Variants in UVSSA observed in about 807,000 individuals in gnomAD.
The protein encoded by UVSSA is UV stimulated scaffold protein A, also known as UV-stimulated scaffold protein A.
A neutral mutation model predicts 73.9 loss-of-function variants in UVSSA; 72 were observed. The observed-to-expected ratio is 0.97, with a 90% confidence interval of 0.81 to 1.19. The LOEUF is 1.19. Ranked by LOEUF, UVSSA falls within the 50% of genes most tolerant of loss-of-function variation. The pLI, the probability that UVSSA is intolerant of heterozygous loss-of-function variation, is 0.00. For missense variants in UVSSA, 1,150 were observed against 965.0 expected (o/e 1.19, Z -2.54); for synonymous variants, 454 against 391.3 (o/e 1.16, Z -1.89).
intron 8 of UVSSA, among the ~76,000 whole-genome samples, chr4:1,373,055 A>G (rs1209446362): frequency 2.0e-5 from 3 of 152,272 alleles, no homozygotes; most frequent in African/African-American, 7.2e-5. Flanking sequence ...TGCCTGCACA[A>G]GAAATGACCT....
chr4:1,374,098 A>G (rs1474533550), intron 8 of UVSSA, among the ~76,000 whole-genome samples: 2 of 152,090 alleles, frequency 1.3e-5, no homozygotes, highest in African/African-American at 4.8e-5. Flanking sequence ...CGGGGCCAGG[A>G]CGCCTTGCTC....
At chr4:1,384,582 T>C (rs1328603343) in intron 13 of UVSSA, 4 of 152,522 alleles carry the variant, frequency 2.6e-5, no homozygotes, top group African/African-American at 9.6e-5. Flanking sequence ...TGTCTTCATA[T>C]TGCCTTGTTC....
At chr4:1,362,553 C>T (rs1716795258) in intron 7 of UVSSA, among the ~76,000 whole-genome samples, 1 of 152,250 alleles carries the variant, frequency 6.6e-6, no homozygotes, top group Non-Finnish European at 1.5e-5. Context: ...ACATCTCCAG[C>T]CCCAGCACCA....
At chr4:1,370,931 G>C (rs1382578902) in intron 8 of UVSSA, among the ~76,000 whole-genome samples, 3 of 152,198 alleles carry the variant, frequency 2.0e-5, no homozygotes, top group African/African-American at 7.2e-5. Flanking sequence ...CCTGAGCAAG[G>C]CCCTTTGTCC....
At chr4:1,355,380 G>A (rs1715562679) in intron 7 of UVSSA, 135 bp downstream of exon 7, 2 of 853,904 alleles carry the variant, frequency 2.3e-6, no homozygotes, top group Non-Finnish European at 3.6e-6. Context: ...AGCCTCAGCA[G>A]GACCTGCCTC....
intron 10 of UVSSA, among the ~76,000 whole-genome samples, chr4:1,379,052 T>C (rs1719118259): frequency 6.6e-6 from 1 of 150,756 alleles, no homozygotes; most frequent in Non-Finnish European, 1.5e-5. Flanking sequence ...GGGGCTGTGC[T>C]CCTGTCTGTG....
chr4:1,372,347 A>G (rs1353807342), intron 8 of UVSSA, among the ~76,000 whole-genome samples: 1 of 152,152 alleles, frequency 6.6e-6, no homozygotes, highest in Non-Finnish European at 1.5e-5. Context: ...CATCCATGGC[A>G]CTTTCTCTCC....
At chr4:1,388,406 A>T (rs1720306186), downstream of UVSSA, 1 of 152,232 alleles carries the variant, frequency 6.6e-6, no homozygotes, top group Non-Finnish European at 1.5e-5. Flanking sequence ...TCCATACACA[A>T]AATCATGTCA....
In UVSSA at chr4:1,349,582, G is replaced by C. The variant is rs140162022; in HGVS notation, c.157G>C (p.Glu53Gln). 4 of 1,613,958 alleles carry C rather than the reference G, an allele frequency of 2.5e-6. No homozygotes were observed. In the African/African-American group the frequency reaches 5.3e-5, roughly 22 times the overall value. ...YRLLIAQLTQ[E>Q]HAEIRLSAFQ... is the part of the protein sequence containing the mutation. The stretch of plus-strand genomic sequence containing the variant: ...CCTGCTGATAGCACAGCTGACCCAG[G>C]AGCACGCCGAGATCCGTCTCTCAGC... Residue 53 changes from glutamate to glutamine, a missense_variant, in exon 3 of 14, where the codon GAG becomes CAG. Transcript: ENST00000389851.
chr4:1,384,067 TC>T, intron 13 of UVSSA, 127 bp downstream of exon 13: 1 of 1,234,718 alleles, frequency 8.1e-7, no homozygotes, highest in East Asian at 2.6e-5. Flanking sequence ...TGCTTTGAGT[TC>T]CCCTGGGGGA....
intron 8 of UVSSA, among the ~76,000 whole-genome samples, chr4:1,370,258 C>T (rs897966173): frequency 2.0e-5 from 3 of 152,156 alleles, no homozygotes; most frequent in Admixed American, 6.5e-5. Flanking sequence ...TGAGCATGTG[C>T]GTGTGTGCGT....
chr4:1,367,385 T>G (rs1018355608), intron 8 of UVSSA, among the ~76,000 whole-genome samples: 10 of 152,154 alleles, frequency 6.6e-5, no homozygotes, highest in Non-Finnish European at 1.3e-4. Context: ...ACAAGTTGGT[T>G]TCAATCAGAG....
At chr4:1,375,230 G>A (rs1718610309) in intron 8 of UVSSA, 134 bp from the exon 9 acceptor site, 11 of 1,427,112 alleles carry the variant, frequency 7.7e-6, no homozygotes, top group Admixed American at 5.6e-5. Context: ...GGAGCAGATA[G>A]CAGGCACCCA....
chr4:1,351,637 C>T, intron 3 of UVSSA, 78 bp from the exon 4 acceptor site: 2 of 1,491,040 alleles, frequency 1.3e-6, no homozygotes. Flanking sequence ...GATCTGCCTG[C>T]CTCAGCCTCC....
chr4:1,363,180 G>A (rs905456047), intron 7 of UVSSA, among the ~76,000 whole-genome samples: 2 of 152,156 alleles, frequency 1.3e-5, no homozygotes, highest in Middle Eastern at 3.4e-3. Flanking sequence ...GACCTTGCCA[G>A]GGAGGAAGCC....
chr4:1,368,431 C>A (rs779262916), intron 8 of UVSSA, among the ~76,000 whole-genome samples: 1 of 152,228 alleles, frequency 6.6e-6, no homozygotes, highest in Non-Finnish European at 1.5e-5. Flanking sequence ...AAGAACAGAG[C>A]GGTCTCCTTT....
rs1421326330 is a variant in UVSSA at position 1,347,544 on chromosome 4, G to C, written c.-219G>C. 6.6e-6 allele frequency: 1 copy of C among 152,524 alleles called. No individual in the cohort carries two copies. The highest frequency in any genetic ancestry group is 2.4e-5 in the African/African-American group (1 of 41,474). 9.4% of individuals were successfully genotyped at this position (152,524 alleles called of 1,614,324 possible). On this transcript the variant is annotated 5_prime_UTR_variant, in exon 1 of 14. Coordinates refer to ENST00000389851, the MANE Select transcript of UVSSA (RefSeq NM_020894.4). ...CCAGCCTCCGCCCCGGCCTCGCCTG[G>C]CGCTTCCTTCCGGGTCCTTCGGCCT...
intron 12 of UVSSA, among the ~76,000 whole-genome samples, chr4:1,381,191 C>G (rs60109494): frequency 6.6e-6 from 1 of 152,158 alleles, no homozygotes; most frequent in Non-Finnish European, 1.5e-5. Context: ...AGAGGATGCT[C>G]CAGCTTTAGG....
At chr4:1,365,607 C>T (rs1267335588) in intron 7 of UVSSA, among the ~76,000 whole-genome samples, 1 of 152,200 alleles carries the variant, frequency 6.6e-6, no homozygotes, top group Admixed American at 6.5e-5. Context: ...AGAGAAGTGG[C>T]CTTGTCAAAA....
Sources: gnomAD v4.1 joint callset for allele counts (sites outside exome capture counted in the v4.1 genomes callset) on GRCh38, gnomAD v4.1.1 for gene constraint, MANE v1.5 for transcripts, NCBI Gene and HGNC (gene_info 2026-07-23, HGNC 2026-07-21) for gene names.